The following CRIM1 variants were observed in gnomAD, a reference collection of about 807,000 sequenced individuals.
The protein encoded by CRIM1 is cysteine-rich motor neuron 1 protein.
Under a neutral mutation model 116.4 loss-of-function variants are expected in CRIM1, and 32 were observed. That is an observed-to-expected ratio of 0.27 (90% CI 0.21 to 0.37). The LOEUF (loss-of-function observed/expected upper bound fraction) is 0.37. Among genes scored for constraint, CRIM1 ranks in the 10% least tolerant of loss-of-function variants. The probability of loss-of-function intolerance (pLI) is 1.00; values close to 1 mark genes in which losing one functional copy is unlikely to be tolerated. For missense variants in CRIM1, 1,331 were observed against 1,354.8 expected (o/e 0.98, Z 0.28); for synonymous variants, 590 against 509.2 (o/e 1.16, Z -2.13).
chr2:36,356,239 G>T lies in CRIM1; in HGVS notation c.-54G>T. 5.4e-6 allele frequency: 6 copies of T among 1,106,080 alleles called. No homozygotes were observed. The highest frequency in any genetic ancestry group is 6.0e-6 in the Non-Finnish European group (5 of 832,210). 68.5% of individuals were successfully genotyped at this position (1,106,080 alleles called of 1,614,324 possible). On this transcript the variant is annotated 5_prime_UTR_variant, in exon 1 of 17. Transcript: ENST00000280527. This position sits in a 1 kb window ranked among gnomAD's most constrained non-coding sequence, Gnocchi z 4.3. ...GCGTGTGCCCCGCGCAGGGGAGGGC[G>T]CCCGCCCCGCTCCCGGCCCGGCTGC...
intron 5 of CRIM1, among the ~76,000 whole-genome samples, chr2:36,470,966 C>G (rs1678461270): frequency 6.6e-6 from 1 of 152,022 alleles, no homozygotes; most frequent in African/African-American, 2.4e-5. Flanking sequence ...GAAGTTGATT[C>G]CAACCCTCAT....
chr2:36,356,505 C>T lies in CRIM1; in HGVS notation c.213C>T (p.Asn71=), dbSNP rs1572538263. 6.2e-7 allele frequency: 1 copy of T among 1,612,922 alleles called. No individual in the cohort carries two copies. Among genetic ancestry groups the T allele is most frequent in the Non-Finnish European group, 8.5e-7 (1 of 1,179,860 alleles). The change falls in exon 1 of 17, where the codon AAC becomes AAT. Residue 71 remains asparagine, a synonymous_variant. Coordinates refer to ENST00000280527, the MANE Select transcript of CRIM1 (RefSeq NM_016441.3). This position sits in a 1 kb window ranked among gnomAD's most constrained non-coding sequence, Gnocchi z 4.3. ...GCTACACGTGCGCCAGCCAGAGGAA[C>T]GAGAGCTGCGGCGGCACCTTCGGGA... The part of the protein sequence containing the change: ...GCCYTCASQR[N]ESCGGTFGIY...
intron 2 of CRIM1, among the ~76,000 whole-genome samples, chr2:36,434,159 C>T (rs1296084201): frequency 6.6e-6 from 1 of 152,162 alleles, no homozygotes; most frequent in East Asian, 1.9e-4. Flanking sequence ...TTAGGGATGA[C>T]ATACGTATTA....
intron 1 of CRIM1, among the ~76,000 whole-genome samples, chr2:36,375,216 A>C (rs1670234899): frequency 6.6e-6 from 1 of 152,182 alleles, no homozygotes; most frequent in Non-Finnish European, 1.5e-5. Flanking sequence ...TTAAAACCAG[A>C]GGGCTAGACG....
intron 5 of CRIM1, among the ~76,000 whole-genome samples, chr2:36,476,424 A>G (rs1248314441): frequency 6.6e-6 from 1 of 152,222 alleles, no homozygotes; most frequent in Non-Finnish European, 1.5e-5. Flanking sequence ...ATGTACAGAG[A>G]AAAAGAATTT....
chr2:36,500,531 C>T (rs564773010), intron 8 of CRIM1, among the ~76,000 whole-genome samples: 33 of 151,996 alleles, frequency 2.2e-4, no homozygotes, highest in Non-Finnish European at 4.1e-4. Flanking sequence ...TTTTTTTAAA[C>T]GATATAAATA....
intron 2 of CRIM1, among the ~76,000 whole-genome samples, chr2:36,437,084 C>T (rs1675368689): frequency 6.6e-6 from 1 of 152,120 alleles, no homozygotes; most frequent in Non-Finnish European, 1.5e-5. Context: ...AATCTTAAAA[C>T]ACTAGAGGAG....
At chr2:36,417,801 G>T (rs1673740440) in intron 2 of CRIM1, among the ~76,000 whole-genome samples, 1 of 152,140 alleles carries the variant, frequency 6.6e-6, no homozygotes, top group East Asian at 1.9e-4. Context: ...AAAGTAGAAT[G>T]AAATAAGTAC....
chr2:36,502,337 A>C (rs1410108242), intron 8 of CRIM1, among the ~76,000 whole-genome samples: 1 of 152,230 alleles, frequency 6.6e-6, no homozygotes, highest in Non-Finnish European at 1.5e-5. Context: ...ATGCATATTT[A>C]CCCTATCTTT....
chr2:36,403,432 G>A (rs909284811), intron 2 of CRIM1, among the ~76,000 whole-genome samples: 5 of 152,156 alleles, frequency 3.3e-5, no homozygotes, highest in South Asian at 2.1e-4. Context: ...AATAAGAACC[G>A]TGTTGCATTC....
chr2:36,428,686 T>C (rs1321330303), intron 2 of CRIM1, among the ~76,000 whole-genome samples: 1 of 152,246 alleles, frequency 6.6e-6, no homozygotes, highest in Non-Finnish European at 1.5e-5. Context: ...CAAATAGATG[T>C]AGAGCTTTGG....
chr2:36,465,232 G>C (rs898356439), intron 5 of CRIM1, among the ~76,000 whole-genome samples: 2 of 152,202 alleles, frequency 1.3e-5, no homozygotes, highest in Non-Finnish European at 2.9e-5. Context: ...CTTGGGTCAC[G>C]AGATTCCTTC....
At chr2:36,478,838 CT>C (rs3836078) in intron 6 of CRIM1, among the ~76,000 whole-genome samples, 56,650 of 148,696 alleles carry the variant, frequency 0.38, 11,367 homozygotes, top group East Asian at 0.58. Context: ...ACCTCAGAAA[CT>C]TTTTTTTTTT....
At chr2:36,403,623 T>C (rs1442594576) in intron 2 of CRIM1, among the ~76,000 whole-genome samples, 2 of 152,112 alleles carry the variant, frequency 1.3e-5, no homozygotes, top group Non-Finnish European at 2.9e-5. Context: ...ATCAGTGGGC[T>C]TCAGTGGCTG....
chr2:36,402,819 T>TA (rs1672519159), intron 2 of CRIM1, among the ~76,000 whole-genome samples: 1 of 151,762 alleles, frequency 6.6e-6, no homozygotes, highest in Non-Finnish European at 1.5e-5. Flanking sequence ...ATGTGGAGTT[T>TA]AAGCAAATTG....
intron 15 of CRIM1, among the ~76,000 whole-genome samples, chr2:36,544,910 C>T (rs1000946799): frequency 1.3e-5 from 2 of 152,178 alleles, no homozygotes; most frequent in South Asian, 2.1e-4. Context: ...TTAGGTTACC[C>T]TCTACTTCTG....
chr2:36,429,549 C>T (rs962718670), intron 2 of CRIM1, among the ~76,000 whole-genome samples: 1 of 152,092 alleles, frequency 6.6e-6, no homozygotes, highest in Non-Finnish European at 1.5e-5. Flanking sequence ...ATACCTTGAG[C>T]CAGCTCTACT....
At position 36,453,680 on chromosome 2, in the gene CRIM1, G is replaced by A. The variant is rs187594245; in HGVS notation, c.870-10854G>A. Reference sequence around the variant, plus strand: ...ATAAAATATAGTCGCTGATGTCTAAGAGCATATATTATAAAGGGAAGGCAA... The same window carrying A: ...ATAAAATATAGTCGCTGATGTCTAAAAGCATATATTATAAAGGGAAGGCAA... On this transcript the variant is annotated intron_variant, in intron 4 of 16. Coordinates refer to ENST00000280527, the MANE Select transcript of CRIM1 (RefSeq NM_016441.3). Among the ~76,000 whole-genome samples, 194 of 152,332 alleles carry A rather than the reference G, an allele frequency of 1.3e-3. 1 individual carries two copies. Among genetic ancestry groups the A allele is most frequent in the African/African-American group, 4.3e-3 (180 of 41,576 alleles).
At chr2:36,357,962 A>G (rs1668966161) in intron 1 of CRIM1, among the ~76,000 whole-genome samples, 1 of 152,228 alleles carries the variant, frequency 6.6e-6, no homozygotes, top group South Asian at 2.1e-4. Context: ...ATACGCACAG[A>G]CACACACATA....
Sources: allele counts gnomAD v4.1 joint callset (sites outside exome capture counted in the v4.1 genomes callset), GRCh38; gene constraint gnomAD v4.1.1; non-coding constraint Gnocchi (gnomAD v3.1); transcripts MANE v1.5; gene names NCBI Gene and HGNC (gene_info 2026-07-23, HGNC 2026-07-21).